HPCAL4: variants seen among roughly 807,000 people sequenced by gnomAD.
The protein encoded by HPCAL4 is hippocalcin like 4.
A neutral mutation model predicts 18.2 loss-of-function variants in HPCAL4; 16 were observed. The observed-to-expected ratio is 0.88, with a 90% CI of 0.59 to 1.33. The LOEUF (loss-of-function observed/expected upper bound fraction) is 1.33, where lower values mean the gene tolerates loss of function less well. HPCAL4 is among the 40% of genes most tolerant of loss of function. HPCAL4 has a pLI of 0.00. For synonymous variants in HPCAL4, 80 were observed against 97.5 expected (o/e 0.82, Z 1.06); for missense variants, 214 against 256.6 (o/e 0.83, Z 1.14).
Position 39,684,624 on chromosome 1 carries a change from G to A in HPCAL4, c.-8-13C>T, listed in dbSNP as rs374981556. ...CCCATGGCGGGGCCTGTGGGACAGA[G>A]GGATTCCTCCGACTGGGTCCAGGGA... On this transcript the variant is annotated splice_polypyrimidine_tract_variant and intron_variant, in intron 1 of 3. Transcript: ENST00000372844. The A allele has an allele frequency of 7.8e-5, 122 of 1,562,720 alleles. No individual in the cohort carries two copies. The highest frequency in any genetic ancestry group is 1.0e-4 in the Non-Finnish European group (121 of 1,155,854).
rs961656002 is a variant in HPCAL4, at chr1:39,680,426, G to C, written c.*2110C>G. 5.3e-5 allele frequency: 8 copies of C among 152,170 alleles called. No homozygotes were observed. Among genetic ancestry groups the C allele is most frequent in the African/African-American group, 1.9e-4 (8 of 41,416 alleles). 9.4% of individuals were successfully genotyped at this position (152,170 alleles called of 1,614,324 possible). A position where few individuals can be genotyped will look rare whatever the true frequency, so the allele number is the denominator to read the frequency against. On this transcript the variant is annotated 3_prime_UTR_variant, in exon 4 of 4. Transcript: ENST00000372844. ...TTTGAAAGCCATGAAATTCTGTGTG[G>C]TTGCGAATTAGGCTAGATTCAGCAT...
intron 3 of HPCAL4, among the ~76,000 whole-genome samples, chr1:39,683,072 C>A (rs780376476): frequency 6.6e-6 from 1 of 152,030 alleles, no homozygotes; most frequent in Non-Finnish European, 1.5e-5. Context: ...TTAGTAGAGA[C>A]GGGGTTTCAC....
At position 39,682,578 on chromosome 1, in the gene HPCAL4, G is replaced by A; in HGVS notation, c.534C>T (p.Asp178=). The A allele has an allele frequency of 6.2e-7, 1 of 1,614,136 alleles. No individual in the cohort carries two copies. ...ACTGCAGCAGCAACACAATGGATGG[G>A]TCACTCTTGGCTGCCTCCTTGAACT... is the stretch of plus-strand genomic sequence containing the variant. ...LEEFKEAAKS[D]PSIVLLLQCD... The change falls in exon 4 of 4, where the codon GAC becomes GAT. Residue 178 remains aspartate, a synonymous_variant. Coordinates refer to ENST00000372844, the MANE Select transcript of HPCAL4 (RefSeq NM_016257.4).
At position 39,683,941 on chromosome 1, in the gene HPCAL4, A is replaced by G; in HGVS notation, c.374T>C (p.Ile125Thr). 1 of 1,613,186 alleles carries G rather than the reference A, an allele frequency of 6.2e-7. No homozygotes were observed. Among genetic ancestry groups the G allele is most frequent in the Non-Finnish European group, 8.5e-7 (1 of 1,179,636 alleles). Residue 125 changes from isoleucine to threonine, a missense_variant, in exon 3 of 4, where the codon ATC (isoleucine) becomes ACC (threonine). Coordinates refer to ENST00000372844, the MANE Select transcript of HPCAL4 (RefSeq NM_016257.4). ...AGCGCCCGCGCGGCCCCGCACCTCG[A>G]TGATCTCCAGCATCTCCAGGCGCGT... is the stretch of plus-strand genomic sequence containing the variant. ...RITRLEMLEI[I>T]EAIYKMVGTV... is the part of the protein sequence containing the mutation.
At chr1:39,684,333 G>T in intron 2 of HPCAL4, 109 bp downstream of exon 2, 8 of 1,303,688 alleles carry the variant, frequency 6.1e-6, no homozygotes, top group Non-Finnish European at 8.3e-6. Context: ...TCCCACCCCG[G>T]GTGCCTCGCC....
chr1:39,684,108 G>C lies in HPCAL4; in HGVS notation c.207C>G (p.Phe69Leu). ...GDASKFAQHA[F>L]RTFDKNGDGT... is the part of the protein sequence containing the mutation. ...CGTCGCCGTTCTTGTCGAAGGTGCG[G>C]AAAGCGTGCTGCGCGAACTTGGAGG... Residue 69 changes from phenylalanine to leucine, a missense_variant, in exon 3 of 4, where the codon TTC becomes TTG. Coordinates refer to ENST00000372844, the MANE Select transcript of HPCAL4 (RefSeq NM_016257.4). 6.2e-7 allele frequency: 1 copy of C among 1,613,888 alleles called. No individual in the cohort carries two copies. Among genetic ancestry groups the C allele is most frequent in the Non-Finnish European group, 8.5e-7 (1 of 1,179,848 alleles).
chr1:39,682,654 T>C lies in HPCAL4; in HGVS notation c.458A>G (p.Lys153Arg). The change falls in exon 4 of 4, where the codon AAG becomes AGG. Residue 153 changes from lysine to arginine, a missense_variant. Transcript: ENST00000372844. ...ATCCTGGTCCATCTTCTTGAAGATCTTGTCCACACGCTGCTGGGGCGTGAG... is the reference window on the plus strand; with the variant it reads ...ATCCTGGTCCATCTTCTTGAAGATCCTGTCCACACGCTGCTGGGGCGTGAG... The part of the protein sequence containing the change: ...DGLTPQQRVD[K>R]IFKKMDQDKD... 6.2e-7 allele frequency: 1 copy of C among 1,614,236 alleles called. No homozygotes were observed. The highest frequency in any genetic ancestry group is 8.5e-7 in the Non-Finnish European group (1 of 1,180,030).
chr1:39,690,902 A>G (rs1381487457), intron 1 of HPCAL4, among the ~76,000 whole-genome samples: 1 of 151,962 alleles, frequency 6.6e-6, no homozygotes, highest in Admixed American at 6.6e-5. Context: ...GGAGTTTGCC[A>G]TGGTGCTGGG....
At chr1:39,682,772 A>AG in intron 3 of HPCAL4, 39 bp from the exon 4 acceptor site, 1 of 1,572,210 alleles carries the variant, frequency 6.4e-7, no homozygotes, top group East Asian at 2.2e-5. Context: ...AACACCCACA[A>AG]GGGGCCCCGA....
chr1:39,688,189 G>A (rs1382430653), intron 1 of HPCAL4, among the ~76,000 whole-genome samples: 13 of 152,060 alleles, frequency 8.5e-5, no homozygotes, highest in East Asian at 5.8e-4. Context: ...CCTTTTGGCC[G>A]CAGTGGAACC....
Position 39,681,674 on chromosome 1 carries a change from A to G in HPCAL4, c.*862T>C, listed in dbSNP as rs1041710169. ...TATTCATTTAATCATTTTATAAGAA[A>G]CCAAGTAATATAGAGTATATTTTAA... On this transcript the variant is annotated 3_prime_UTR_variant, in exon 4 of 4. Coordinates refer to ENST00000372844, the MANE Select transcript of HPCAL4 (RefSeq NM_016257.4). 4 of 152,218 alleles carry G rather than the reference A, an allele frequency of 2.6e-5. No homozygotes were observed. Among genetic ancestry groups the G allele is most frequent in the Non-Finnish European group, 5.9e-5 (4 of 68,042 alleles). 9.4% of individuals were successfully genotyped at this position (152,218 alleles called of 1,614,324 possible). A position where few individuals can be genotyped will look rare whatever the true frequency, so the allele number is the denominator to read the frequency against.
At chr1:39,687,438 G>A (rs1646684565) in intron 1 of HPCAL4, among the ~76,000 whole-genome samples, 1 of 152,224 alleles carries the variant, frequency 6.6e-6, no homozygotes, top group African/African-American at 2.4e-5. Context: ...CTGAGAGTCA[G>A]CATGAGGGGC....
At chr1:39,685,740 C>G (rs578244832) in intron 1 of HPCAL4, among the ~76,000 whole-genome samples, 1 of 151,248 alleles carries the variant, frequency 6.6e-6, no homozygotes, top group Non-Finnish European at 1.5e-5. Flanking sequence ...ATTAGCTGGG[C>G]GTCGTGGCAG....
intron 1 of HPCAL4, among the ~76,000 whole-genome samples, chr1:39,689,028 A>G (rs1646698547): frequency 6.6e-6 from 1 of 151,174 alleles, no homozygotes; most frequent in South Asian, 2.1e-4. Flanking sequence ...TTTGCATTAA[A>G]CCCCTGCCTG....
chr1:39,685,602 G>A (rs952637444), intron 1 of HPCAL4, among the ~76,000 whole-genome samples: 1 of 152,128 alleles, frequency 6.6e-6, no homozygotes, highest in Admixed American at 6.5e-5. Flanking sequence ...GGGCGCGGCC[G>A]GGCACGGTGG....
intron 1 of HPCAL4, among the ~76,000 whole-genome samples, chr1:39,689,774 C>T (rs1301356325): frequency 1.3e-5 from 2 of 152,188 alleles, no homozygotes; most frequent in African/African-American, 4.8e-5. Context: ...CTGAAGGAGG[C>T]AATAATCCCA....
chr1:39,683,508 A>C (rs1646644896), intron 3 of HPCAL4, among the ~76,000 whole-genome samples: 1 of 152,214 alleles, frequency 6.6e-6, no homozygotes. Context: ...CTCTCCCTGC[A>C]CTTTGCTTAG....
intron 3 of HPCAL4, among the ~76,000 whole-genome samples, chr1:39,683,559 C>T (rs1188285571): frequency 6.6e-6 from 1 of 152,214 alleles, no homozygotes; most frequent in Non-Finnish European, 1.5e-5. Context: ...CCCCGCATGT[C>T]TTCATTCATT....
chr1:39,686,010 T>C (rs551469991), intron 1 of HPCAL4, among the ~76,000 whole-genome samples: 2 of 149,592 alleles, frequency 1.3e-5, no homozygotes, highest in South Asian at 4.2e-4. Flanking sequence ...TGAAACCCCA[T>C]CTCTACTAAA....
Sources: gnomAD v4.1 joint callset for allele counts (sites outside exome capture counted in the v4.1 genomes callset) on GRCh38, gnomAD v4.1.1 for gene constraint, MANE v1.5 for transcripts, NCBI Gene and HGNC (gene_info 2026-07-23, HGNC 2026-07-21) for gene names.